Variants in RND3 observed in about 807,000 individuals in gnomAD.
RND3 encodes the protein Rho family GTPase 3.
A neutral mutation model predicts 26.5 loss-of-function variants in RND3; 8 were observed. The ratio of observed to expected loss-of-function variants is 0.30; its 90% CI spans 0.18 to 0.54. RND3 has a LOEUF of 0.54. RND3 is among the 20% of genes least tolerant of loss of function. The probability of loss-of-function intolerance (pLI) is 0.94; values close to 1 mark genes in which losing one functional copy is unlikely to be tolerated. For synonymous variants in RND3, 113 were observed against 113.0 expected (o/e 1.00, Z 0.00); for missense variants, 207 against 302.8 (o/e 0.68, Z 2.35).
chr2:150,476,968 G>A (rs952569200), intron 3 of RND3, among the ~76,000 whole-genome samples: 6 of 152,134 alleles, frequency 3.9e-5, no homozygotes, highest in African/African-American at 1.4e-4. Flanking sequence ...GGCACCTGCT[G>A]TAAACATTTG....
intron 3 of RND3, among the ~76,000 whole-genome samples, chr2:150,482,646 G>A (rs922428035): frequency 6.7e-6 from 1 of 149,676 alleles, no homozygotes; most frequent in African/African-American, 2.5e-5. Context: ...TTGTTGGGGG[G>A]GCTGGAGTAC....
intron 3 of RND3, among the ~76,000 whole-genome samples, chr2:150,481,454 C>T (rs1686268414): frequency 6.6e-6 from 1 of 152,230 alleles, no homozygotes; most frequent in Non-Finnish European, 1.5e-5. Context: ...ACACCTGACA[C>T]TTAATCCGGG....
intron 3 of RND3, among the ~76,000 whole-genome samples, chr2:150,482,822 A>G (rs1424039736): frequency 6.6e-6 from 1 of 152,148 alleles, no homozygotes; most frequent in African/African-American, 2.4e-5. Flanking sequence ...AAACATTGCA[A>G]CCAAGTGGAA....
chr2:150,472,548 C>T (rs143729174), intron 4 of RND3, among the ~76,000 whole-genome samples: 3 of 152,268 alleles, frequency 2.0e-5, no homozygotes, highest in African/African-American at 7.2e-5. Context: ...AAGCAAGCAG[C>T]TTTTTGTGGC....
chr2:150,487,474 A>AAAAATATATATATATATATAT lies in RND3; in HGVS notation c.-38-20_-38-19insATATATATATATATATATTTT. 9.0e-4 allele frequency: 181 copies of AAAAATATATATATATATATAT among 200,696 alleles called. 1 individual carries two copies. Among genetic ancestry groups the AAAAATATATATATATATATAT allele is most frequent in the Admixed American group, 2.3e-3 (32 of 13,792 alleles). 12.4% of individuals were successfully genotyped at this position (200,696 alleles called of 1,614,324 possible). Reference sequence around the variant, plus strand: ...ATTTTCTCTTAAGAAGAAAAAAAAAAATATATATATATATATATATTTCTC... The same window carrying AAAAATATATATATATATATAT: ...ATTTTCTCTTAAGAAGAAAAAAAAAAAAAATATATATATATATATATATATATATATATATATATATTTCTC... On this transcript the variant is annotated intron_variant, in intron 1 of 5. Transcript: ENST00000263895.
chr2:150,487,472 A>ATATATATATATATATAT lies in RND3; in HGVS notation c.-38-18_-38-17insATATATATATATATATA, dbSNP rs1395547619. ...GAATTTTCTCTTAAGAAGAAAAAAA[A>ATATATATATATATATAT]AAATATATATATATATATATATTTC... On this transcript the variant is annotated splice_polypyrimidine_tract_variant and intron_variant, in intron 1 of 5. Coordinates refer to ENST00000263895, the MANE Select transcript of RND3 (RefSeq NM_005168.5). 5.6e-4 allele frequency: 192 copies of ATATATATATATATATAT among 344,824 alleles called. 1 individual carries two copies. The highest frequency in any genetic ancestry group is 1.1e-3 in the Admixed American group (13 of 11,944). The allele number at this position is 344,824 out of a possible 1,614,324, so 21.4% of individuals were successfully genotyped here.
intron 3 of RND3, among the ~76,000 whole-genome samples, chr2:150,475,444 T>C (rs1686148356): frequency 6.6e-6 from 1 of 152,178 alleles, no homozygotes; most frequent in South Asian, 2.1e-4. Context: ...TGGCTTTTAG[T>C]AAGGGATCAA....
intron 4 of RND3, among the ~76,000 whole-genome samples, 165 bp downstream of exon 4, chr2:150,474,710 C>T (rs920232790): frequency 2.0e-5 from 3 of 152,160 alleles, no homozygotes; most frequent in Admixed American, 1.3e-4. Context: ...AGTTCATCAT[C>T]AAAAAGTGGA....
intron 5 of RND3, 58 bp downstream of exon 5, chr2:150,471,569 T>C (rs1488792787): frequency 2.9e-6 from 4 of 1,377,586 alleles, no homozygotes; most frequent in African/African-American, 1.5e-5. Context: ...TTATGAGTGA[T>C]AGTCCATTTC....
Position 150,471,609 on chromosome 2 carries a change from C to T in RND3, c.483+18G>A, listed in dbSNP as rs751164683. ...ACTCTTTCTAAAATCCAGTTTTGCA[C>T]ATGGGCAACATACATACCTGGTCAT... is the stretch of plus-strand genomic sequence containing the variant. On this transcript the variant is annotated intron_variant, in intron 5 of 5. Transcript: ENST00000263895. 35 of 1,568,954 alleles carry T rather than the reference C, an allele frequency of 2.2e-5. No individual in the cohort carries two copies. The South Asian group carries it at 4.1e-4, about 19-fold the overall frequency.
Position 150,487,401 on chromosome 2 carries a change from GCTC to G in RND3, c.14_16del (p.Arg5_Ala6delinsThr), listed in dbSNP as rs1686398320. Reference sequence around the variant, plus strand: ...AGATTTGCTGGATAATTTCTGGCTGGCTCTTCTCTCCTTCATTGATGTTGCCTT... The same window carrying G: ...AGATTTGCTGGATAATTTCTGGCTGGTTCTCTCCTTCATTGATGTTGCCTT... On this transcript the variant is annotated inframe_deletion, in exon 2 of 6. Coordinates refer to ENST00000263895, the MANE Select transcript of RND3 (RefSeq NM_005168.5). The G allele has an allele frequency of 6.6e-7, 1 of 1,525,412 alleles. No homozygotes were observed. Among genetic ancestry groups the G allele is most frequent in the Non-Finnish European group, 8.8e-7 (1 of 1,133,394 alleles). 94.5% of individuals were successfully genotyped at this position (1,525,412 alleles called of 1,614,324 possible).
rs1686032193 is a variant in RND3, at chr2:150,468,621, G to T, written c.*1366C>A. The T allele has an allele frequency of 6.6e-6, 1 of 152,654 alleles. No homozygotes were observed. The highest frequency in any genetic ancestry group is 2.1e-4 in the South Asian group (1 of 4,836). The allele number at this position is 152,654 out of a possible 1,614,324, so 9.5% of individuals were successfully genotyped here. A position where few individuals can be genotyped will look rare whatever the true frequency, so the allele number is the denominator to read the frequency against. ...ACGAAGCACTATCATGGGAAAGAAA[G>T]CTCGTTTTCAACAAGCGCCAACAAT... On this transcript the variant is annotated 3_prime_UTR_variant, in exon 6 of 6. Coordinates refer to ENST00000263895, the MANE Select transcript of RND3 (RefSeq NM_005168.5).
rs900817358 is a variant in RND3, at chr2:150,468,383, G to A, written c.*1604C>T. 6 of 152,488 alleles carry A rather than the reference G, an allele frequency of 3.9e-5. No homozygotes were observed. The highest frequency in any genetic ancestry group is 2.1e-4 in the South Asian group (1 of 4,824). The allele number at this position is 152,488 out of a possible 1,614,324, so 9.4% of individuals were successfully genotyped here. On this transcript the variant is annotated 3_prime_UTR_variant, in exon 6 of 6. Coordinates refer to ENST00000263895, the MANE Select transcript of RND3 (RefSeq NM_005168.5). ...CAATATTTAAATACAGAAAGCACTC[G>A]CCAGCTATTTTGTAATACTGCCCAA...
At position 150,478,906 on chromosome 2, in the gene RND3, G is replaced by A. The variant is rs142432544; in HGVS notation, c.239-3922C>T. On this transcript the variant is annotated intron_variant, in intron 3 of 5. Coordinates refer to ENST00000263895, the MANE Select transcript of RND3 (RefSeq NM_005168.5). Reference sequence around the variant, plus strand: ...ATGCAGCATTTCTCTGGTACTATATGAAACTTTTAAGCTCGCAACCCTATT... The same window carrying A: ...ATGCAGCATTTCTCTGGTACTATATAAAACTTTTAAGCTCGCAACCCTATT... Among the ~76,000 whole-genome samples, 79 of 152,246 alleles carry A rather than the reference G, an allele frequency of 5.2e-4. 1 individual carries two copies. In the East Asian group the frequency reaches 0.014, roughly 26 times the overall value.
At chr2:150,471,216 T>G (rs1256234001) in intron 5 of RND3, among the ~76,000 whole-genome samples, 1 of 152,188 alleles carries the variant, frequency 6.6e-6, no homozygotes, top group Non-Finnish European at 1.5e-5. Context: ...TGAAACTGAT[T>G]CTCATTTCTA....
intron 3 of RND3, among the ~76,000 whole-genome samples, chr2:150,481,760 A>G (rs915604515): frequency 3.3e-5 from 5 of 152,156 alleles, no homozygotes; most frequent in Non-Finnish European, 7.3e-5. Context: ...GAGAGCAGTG[A>G]TCCCCTTTTA....
Position 150,486,614 on chromosome 2 carries a change from C to T in RND3, c.238+80G>A. The T allele has an allele frequency of 2.0e-6, 2 of 982,352 alleles. No homozygotes were observed. The highest frequency in any genetic ancestry group is 3.3e-6 in the Non-Finnish European group (2 of 604,078). The allele number at this position is 982,352 out of a possible 1,614,324, so 60.9% of individuals were successfully genotyped here. ...GGAGGGGCGCAGACGGCTTGTAGCG[C>T]GCGGTTTCCCGAGACCCGCCGCGCA... On this transcript the variant is annotated intron_variant, in intron 3 of 5. Coordinates refer to ENST00000263895, the MANE Select transcript of RND3 (RefSeq NM_005168.5). The surrounding 1 kb of genome is among the most constrained non-coding windows in gnomAD (Gnocchi z 4.5).
chr2:150,485,901 A>G (rs547041763), intron 3 of RND3, among the ~76,000 whole-genome samples: 1 of 151,724 alleles, frequency 6.6e-6, no homozygotes, highest in East Asian at 2.0e-4. Context: ...CGCGGCGCCA[A>G]TAATTCAAGT....
Position 150,469,892 on chromosome 2 carries a change from G to A in RND3, c.*95C>T. The A allele has an allele frequency of 7.0e-7, 1 of 1,429,698 alleles. No homozygotes were observed. The highest frequency in any genetic ancestry group is 9.6e-7 in the Non-Finnish European group (1 of 1,042,490). The allele number at this position is 1,429,698 out of a possible 1,614,324, so 88.6% of individuals were successfully genotyped here. A position where few individuals can be genotyped will look rare whatever the true frequency, so the allele number is the denominator to read the frequency against. On this transcript the variant is annotated 3_prime_UTR_variant, in exon 6 of 6. Coordinates refer to ENST00000263895, the MANE Select transcript of RND3 (RefSeq NM_005168.5). Reference sequence around the variant, plus strand: ...CGCCTCCTAAGCCTCTGGTATACATGACTTTGGCTGTGCACTTCATTTAGA... The same window carrying A: ...CGCCTCCTAAGCCTCTGGTATACATAACTTTGGCTGTGCACTTCATTTAGA...
Sources: gnomAD v4.1 joint callset for allele counts (sites outside exome capture counted in the v4.1 genomes callset) on GRCh38, gnomAD v4.1.1 for gene constraint, Gnocchi (gnomAD v3.1) non-coding constraint, MANE v1.5 for transcripts, NCBI Gene and HGNC (gene_info 2026-07-23, HGNC 2026-07-21) for gene names.